The following PSD2 variants were observed in gnomAD, a reference collection of about 807,000 sequenced individuals.
PSD2 encodes the protein PH and SEC7 domain-containing protein 2.
A neutral mutation model predicts 69.8 loss-of-function variants in PSD2; 38 were observed. The ratio of observed to expected loss-of-function variants is 0.54; its 90% confidence interval spans 0.42 to 0.71. PSD2 has a LOEUF of 0.71. PSD2 is among the 30% of genes least tolerant of loss of function. The probability of loss-of-function intolerance (pLI) is 0.00; values close to 1 mark genes in which losing one functional copy is unlikely to be tolerated. For synonymous variants in PSD2, 412 were observed against 423.0 expected (o/e 0.97, Z 0.32); for missense variants, 943 against 1,014.5 (o/e 0.93, Z 0.96).
At chr5:139,799,067 C>T (rs570839330) in intron 1 of PSD2, among the ~76,000 whole-genome samples, 1 of 152,104 alleles carries the variant, frequency 6.6e-6, no homozygotes, top group South Asian at 2.1e-4. Context: ...GTCAAGTTAA[C>T]CATTTTGGGG....
At position 139,842,668 on chromosome 5, in the gene PSD2, G is replaced by A. The variant is rs887737469; in HGVS notation, c.*194G>A. 4.9e-5 allele frequency: 29 copies of A among 587,790 alleles called. No individual in the cohort carries two copies. Among genetic ancestry groups the A allele is most frequent in the African/African-American group, 4.1e-4 (22 of 53,670 alleles). 36.4% of individuals were successfully genotyped at this position (587,790 alleles called of 1,614,324 possible). ...TCTCCTTGCGTCCTTGGGCATCTCC[G>A]GGCATCAGACCCTCTCCCTGGCCCT... On this transcript the variant is annotated 3_prime_UTR_variant, in exon 15 of 15. Coordinates refer to ENST00000274710, the MANE Select transcript of PSD2 (RefSeq NM_032289.4).
chr5:139,781,784 C>A, the PSD2 span, among the ~76,000 whole-genome samples: 1 of 152,164 alleles, frequency 6.6e-6, no homozygotes, highest in African/African-American at 2.4e-5. Flanking sequence ...CAGGCACATG[C>A]CACGACACCT....
In PSD2 at chr5:139,811,185, G is replaced by A. The variant is rs544031543; in HGVS notation, c.371+1374G>A. On this transcript the variant is annotated intron_variant, in intron 2 of 14. Coordinates refer to ENST00000274710, the MANE Select transcript of PSD2 (RefSeq NM_032289.4). ...AAACTTCCACCCCAGCCCCTGCCAG[G>A]CATTCTGTGCCTTTTAGATTTCTGT... Among the ~76,000 whole-genome samples the A allele has an allele frequency of 8.7e-4, 132 of 152,250 alleles. 1 individual carries two copies. Among genetic ancestry groups the A allele is most frequent in the South Asian group, 1.0e-3 (5 of 4,812 alleles).
chr5:139,819,446 A>G (rs142060731), intron 5 of PSD2, among the ~76,000 whole-genome samples: 572 of 152,258 alleles, frequency 3.8e-3, no homozygotes, highest in Non-Finnish European at 6.2e-3. Context: ...TTAGCCTTTT[A>G]GCCTCCTGCC....
At position 139,821,978 on chromosome 5, in the gene PSD2, T is replaced by A. The variant is rs1760272499; in HGVS notation, c.1183T>A (p.Cys395Ser). The A allele has an allele frequency of 6.2e-7, 1 of 1,608,666 alleles. No individual in the cohort carries two copies. The highest frequency in any genetic ancestry group is 8.5e-7 in the Non-Finnish European group (1 of 1,177,038). The change falls in exon 6 of 15, where the codon TGC becomes AGC. Residue 395 changes from cysteine to serine, a missense_variant. Physicochemically the swap from Cys to Ser is moderately radical, Grantham distance 112 (BLOSUM62 -1). Coordinates refer to ENST00000274710, the MANE Select transcript of PSD2 (RefSeq NM_032289.4). The part of the protein sequence containing the change: ...LTHFSRRYCQ[C>S]NPDDSTSEDG... ...ACACTTCTCCCGCCGGTACTGCCAG[T>A]GCAACCCTGATGACAGCACTTCGGA... is the stretch of plus-strand genomic sequence containing the variant.
the PSD2 span, among the ~76,000 whole-genome samples, chr5:139,748,118 T>C: frequency 1.3e-5 from 2 of 152,112 alleles, no homozygotes; most frequent in South Asian, 4.1e-4. Flanking sequence ...TGTATTCACG[T>C]GACCCCCGGG....
chr5:139,791,201 A>C, upstream of PSD2, among the ~76,000 whole-genome samples: 1 of 152,188 alleles, frequency 6.6e-6, no homozygotes, highest in Non-Finnish European at 1.5e-5. Flanking sequence ...AAGCCAAGGC[A>C]GGAGGATCAC....
At chr5:139,779,040 T>C in the PSD2 span, among the ~76,000 whole-genome samples, 6 of 150,640 alleles carry the variant, frequency 4.0e-5, no homozygotes, top group South Asian at 1.3e-3. Context: ...TCCCAAAAGG[T>C]GCGCTGCATT....
At chr5:139,841,979 T>C (rs1158035186) in intron 14 of PSD2, among the ~76,000 whole-genome samples, 1 of 152,244 alleles carries the variant, frequency 6.6e-6, no homozygotes, top group East Asian at 1.9e-4. Context: ...TATCCTGTGA[T>C]GTACAGAAGT....
the PSD2 span, among the ~76,000 whole-genome samples, chr5:139,779,458 C>G: frequency 6.6e-6 from 1 of 152,144 alleles, no homozygotes; most frequent in Non-Finnish European, 1.5e-5. Context: ...TATATTAGAG[C>G]AAATTACAGC....
chr5:139,783,943 C>CTTTTTTTTTTTTT, the PSD2 span, among the ~76,000 whole-genome samples: 57 of 87,882 alleles, frequency 6.5e-4, 5 homozygotes, highest in African/African-American at 1.6e-3. Context: ...TCTGCTAGCT[C>CTTTTTTTTTTTTT]TTTTTTTTTT....
chr5:139,763,043 A>G, the PSD2 span, among the ~76,000 whole-genome samples: 1 of 152,116 alleles, frequency 6.6e-6, no homozygotes, highest in Non-Finnish European at 1.5e-5. Context: ...AAGGAAAAAA[A>G]TTAGGCTAAC....
rs759622754 is a variant in PSD2, at chr5:139,817,608, A to G, written c.1097+47A>G. Reference sequence around the variant, plus strand: ...AGTGCCCACAAGTGGTACAGGCTGCACTTCTGGATTCTCATGTCAACTCTA... The same window carrying G: ...AGTGCCCACAAGTGGTACAGGCTGCGCTTCTGGATTCTCATGTCAACTCTA... On this transcript the variant is annotated intron_variant, in intron 5 of 14. Coordinates refer to ENST00000274710, the MANE Select transcript of PSD2 (RefSeq NM_032289.4). The G allele has an allele frequency of 2.3e-5, 34 of 1,452,842 alleles. No individual in the cohort carries two copies. In the Middle Eastern group the frequency reaches 6.9e-4, roughly 29 times the overall value. 90.0% of individuals were successfully genotyped at this position (1,452,842 alleles called of 1,614,324 possible).
At chr5:139,807,698 A>T (rs1260657008) in intron 1 of PSD2, among the ~76,000 whole-genome samples, 1 of 152,058 alleles carries the variant, frequency 6.6e-6, no homozygotes, top group Non-Finnish European at 1.5e-5. Flanking sequence ...TTTCCACTCC[A>T]TGTTTGAAAA....
chr5:139,812,616 G>C (rs1425668569), intron 2 of PSD2, among the ~76,000 whole-genome samples: 1 of 152,216 alleles, frequency 6.6e-6, no homozygotes, highest in Admixed American at 6.5e-5. Flanking sequence ...AGGAGTAAAT[G>C]AACAGATCCC....
the PSD2 span, among the ~76,000 whole-genome samples, chr5:139,752,221 C>T: frequency 2.9e-4 from 44 of 151,986 alleles, 1 homozygote; most frequent in South Asian, 2.1e-4. Context: ...GTTCCTCTGG[C>T]TCTCACTCTC....
At chr5:139,797,738 T>C (rs186382839) in intron 1 of PSD2, among the ~76,000 whole-genome samples, 3 of 152,302 alleles carry the variant, frequency 2.0e-5, no homozygotes, top group Non-Finnish European at 2.9e-5. Flanking sequence ...ACTACCCTTA[T>C]TCCCATTTTG....
chr5:139,808,955 T>C (rs1251761239), intron 1 of PSD2, among the ~76,000 whole-genome samples: 1 of 152,204 alleles, frequency 6.6e-6, no homozygotes. Flanking sequence ...CTTTGGCTCC[T>C]GGAGCCAGGG....
chr5:139,830,598 T>TTCTTTCTTTCTTTCTC (rs1760562543), intron 7 of PSD2, among the ~76,000 whole-genome samples: 5 of 130,654 alleles, frequency 3.8e-5, no homozygotes, highest in Admixed American at 7.5e-5. Context: ...TTCTTTTTCT[T>TTCTTTCTTTCTTTCTC]TCTTTCTTTC....
Sources: allele counts gnomAD v4.1 joint callset (sites outside exome capture counted in the v4.1 genomes callset), GRCh38; gene constraint gnomAD v4.1.1; transcripts MANE v1.5; gene names NCBI Gene and HGNC (gene_info 2026-07-23, HGNC 2026-07-21).